TRIB2: variants seen among roughly 807,000 people sequenced by gnomAD.
The protein encoded by TRIB2 is tribbles homolog 2.
A neutral mutation model predicts 26.8 loss-of-function variants in TRIB2; 2 were observed. The ratio of observed to expected loss-of-function variants is 0.07; its 90% confidence interval spans 0.03 to 0.24. The LOEUF (loss-of-function observed/expected upper bound fraction) is 0.24, where lower values mean the gene tolerates loss of function less well. Ranked by LOEUF, TRIB2 falls within the 10% of genes least tolerant of loss-of-function variation. TRIB2 has a pLI of 1.00. For synonymous variants in TRIB2, 189 were observed against 187.3 expected, an observed-to-expected ratio of 1.01 and a Z score of -0.08; for missense variants, 306 against 449.0, an observed-to-expected ratio of 0.68 and a Z score of 2.88.
Position 12,718,417 on chromosome 2 carries a change from A to G in TRIB2, c.110A>G (p.Gln37Arg). ...LSSIRSAEPS[Q>R]SFSPNLGSPS... ...TCTATAAGGTCCGCGGAGCCCAGCCAGAGTTTCAGCCCGAACCTCGGCTCC... is the reference window on the plus strand; with the variant it reads ...TCTATAAGGTCCGCGGAGCCCAGCCGGAGTTTCAGCCCGAACCTCGGCTCC... The change falls in exon 1 of 3, where the codon CAG (glutamine) becomes CGG (arginine). Residue 37 changes from glutamine to arginine, a missense_variant. Physicochemically the swap from Gln to Arg is conservative, Grantham distance 43. Coordinates refer to ENST00000155926, the MANE Select transcript of TRIB2 (RefSeq NM_021643.4). This position sits in a 1 kb window ranked among gnomAD's most constrained non-coding sequence, Gnocchi z 4.0. The G allele has an allele frequency of 1.2e-6, 2 of 1,614,236 alleles. No individual in the cohort carries two copies. The highest frequency in any genetic ancestry group is 8.5e-7 in the Non-Finnish European group (1 of 1,180,042).
Position 12,741,151 on chromosome 2 carries a change from T to A in TRIB2, c.*357T>A, listed in dbSNP as rs1344569554. 4.7e-6 allele frequency: 1 copy of A among 210,876 alleles called. No individual in the cohort carries two copies. The highest frequency in any genetic ancestry group is 9.6e-6 in the Non-Finnish European group (1 of 104,232). The allele number at this position is 210,876 out of a possible 1,614,324, so 13.1% of individuals were successfully genotyped here. On this transcript the variant is annotated 3_prime_UTR_variant, in exon 3 of 3. Coordinates refer to ENST00000155926, the MANE Select transcript of TRIB2 (RefSeq NM_021643.4). ...CAAAACTCTCTGCCTCAAACACACA[T>A]CCTGGCATCGCACTGTTAGCATTTA...
chr2:12,722,724 A>ATG (rs1367029596), intron 1 of TRIB2, among the ~76,000 whole-genome samples: 3 of 152,196 alleles, frequency 2.0e-5, no homozygotes, highest in Non-Finnish European at 4.4e-5. Flanking sequence ...CTCAGTTTCC[A>ATG]TATCTGTAAA....
In TRIB2 at chr2:12,738,242, C is replaced by T. The variant is rs186947815; in HGVS notation, c.564-2084C>T. 7.2e-5 allele frequency among the ~76,000 whole-genome samples: 11 copies of T among 152,222 alleles called. No individual in the cohort carries two copies. In the East Asian group the frequency reaches 7.7e-4, roughly 11 times the overall value. On this transcript the variant is annotated intron_variant, in intron 2 of 2. Transcript: ENST00000155926. ...TGAAAGGCTAAGACCTTCAGGCAGA[C>T]GGAGGAAGAGAAACAGCAGGAGATG...
chr2:12,730,327 G>T (rs1422448842), intron 2 of TRIB2, among the ~76,000 whole-genome samples: 4 of 152,228 alleles, frequency 2.6e-5, no homozygotes, highest in Non-Finnish European at 4.4e-5. Flanking sequence ...CAGACCTGGG[G>T]TTGGTACCCA....
rs145934300 is a variant in TRIB2, at chr2:12,740,428, G to A, written c.666G>A (p.Glu222=). The A allele has an allele frequency of 2.0e-5, 33 of 1,614,028 alleles. No homozygotes were observed. The highest frequency in any genetic ancestry group is 2.5e-5 in the Non-Finnish European group (30 of 1,180,034). ...GCTGCCCGGCTTACGTAAGCCCAGA[G>A]ATCTTGAACACCAGTGGCAGCTACT... ...KHGCPAYVSP[E]ILNTSGSYSG... is the part of the protein sequence containing the mutation. Residue 222 remains glutamate, a synonymous_variant, in exon 3 of 3, where the codon GAG becomes GAA. Transcript: ENST00000155926. This position sits in a 1 kb window ranked among gnomAD's most constrained non-coding sequence, Gnocchi z 5.8.
chr2:12,737,755 G>C (rs1190001307), intron 2 of TRIB2, among the ~76,000 whole-genome samples: 1 of 152,218 alleles, frequency 6.6e-6, no homozygotes, highest in Non-Finnish European at 1.5e-5. Flanking sequence ...GCCTTGTCCA[G>C]ATGTTTGCAT....
chr2:12,734,419 C>T (rs13406133), intron 2 of TRIB2, among the ~76,000 whole-genome samples: 23,289 of 151,982 alleles, frequency 0.15, 1,961 homozygotes, highest in Middle Eastern at 0.23. Flanking sequence ...TTCCAGCCCG[C>T]GGGAGGAACA....
Position 12,717,392 on chromosome 2 carries a change from G to C in TRIB2, c.-916G>C, listed in dbSNP as rs896180348. The C allele has an allele frequency of 2.5e-6, 1 of 398,400 alleles. No homozygotes were observed. Among genetic ancestry groups the C allele is most frequent in the Non-Finnish European group, 4.4e-6 (1 of 226,052 alleles). The allele number at this position is 398,400 out of a possible 1,614,324, so 24.7% of individuals were successfully genotyped here. A position where few individuals can be genotyped will look rare whatever the true frequency, so the allele number is the denominator to read the frequency against. ...AATCGGAGACCGCCGATCTGTCCTC[G>C]TTCTCTCCTGCACGTCTGGCTGCAT... On this transcript the variant is annotated 5_prime_UTR_variant, in exon 1 of 3. Coordinates refer to ENST00000155926, the MANE Select transcript of TRIB2 (RefSeq NM_021643.4). This position sits in a 1 kb window ranked among gnomAD's most constrained non-coding sequence, Gnocchi z 4.8.
chr2:12,720,803 C>G (rs1157698146), intron 1 of TRIB2, among the ~76,000 whole-genome samples: 1 of 152,190 alleles, frequency 6.6e-6, no homozygotes, highest in African/African-American at 2.4e-5. Context: ...TGCTTATTGT[C>G]TCCATGTACC....
At chr2:12,729,561 A>G (rs1010078893) in intron 2 of TRIB2, among the ~76,000 whole-genome samples, 6 of 152,184 alleles carry the variant, frequency 3.9e-5, no homozygotes, top group Non-Finnish European at 7.4e-5. Context: ...TTTTAATTTA[A>G]TGATTTATGC....
At chr2:12,722,459 T>C (rs1474194771) in intron 1 of TRIB2, among the ~76,000 whole-genome samples, 1 of 152,234 alleles carries the variant, frequency 6.6e-6, no homozygotes, top group Non-Finnish European at 1.5e-5. Flanking sequence ...TCAAAAATTC[T>C]CTGTAGTGTT....
Position 12,717,196 on chromosome 2 carries a change from A to T in TRIB2, c.-1112A>T, listed in dbSNP as rs917380252. 3.5e-5 allele frequency: 14 copies of T among 394,898 alleles called. No individual in the cohort carries two copies. The highest frequency in any genetic ancestry group is 2.9e-4 in the African/African-American group (14 of 48,366). The allele number at this position is 394,898 out of a possible 1,614,324, so 24.5% of individuals were successfully genotyped here. Reference sequence around the variant, plus strand: ...GTCAATTTTCTCCAAAACAAACCCCACCGGGCAATTTGGTCTCGGGGTAGG... The same window carrying T: ...GTCAATTTTCTCCAAAACAAACCCCTCCGGGCAATTTGGTCTCGGGGTAGG... On this transcript the variant is annotated 5_prime_UTR_variant, in exon 1 of 3. Coordinates refer to ENST00000155926, the MANE Select transcript of TRIB2 (RefSeq NM_021643.4). The surrounding 1 kb of genome is among the most constrained non-coding windows in gnomAD (Gnocchi z 4.8).
In TRIB2 at chr2:12,718,278, TTTTG is replaced by T. The variant is rs761863456; in HGVS notation, c.-24_-21del. ...CGACTCATCTCTCCAGCGGGTTTTTTTTTGTTTGTCGTGTGCGATCCTCACACTC... is the reference window on the plus strand; with the variant it reads ...CGACTCATCTCTCCAGCGGGTTTTTTTTTGTCGTGTGCGATCCTCACACTC... On this transcript the variant is annotated 5_prime_UTR_variant, in exon 1 of 3. Coordinates refer to ENST00000155926, the MANE Select transcript of TRIB2 (RefSeq NM_021643.4). This position sits in a 1 kb window ranked among gnomAD's most constrained non-coding sequence, Gnocchi z 4.0. 1 of 1,590,822 alleles carries T rather than the reference TTTTG, an allele frequency of 6.3e-7. No individual in the cohort carries two copies.
intron 1 of TRIB2, among the ~76,000 whole-genome samples, chr2:12,722,629 G>A (rs1187620915): frequency 6.6e-6 from 1 of 151,974 alleles, no homozygotes; most frequent in Non-Finnish European, 1.5e-5. Flanking sequence ...AGAGGAAGAA[G>A]CAAGGCTGCT....
At chr2:12,738,358 G>A (rs147393056) in intron 2 of TRIB2, among the ~76,000 whole-genome samples, 512 of 152,066 alleles carry the variant, frequency 3.4e-3, no homozygotes, top group Middle Eastern at 0.014. Flanking sequence ...TTTGCACTTC[G>A]GGGCAAACAG....
At position 12,718,665 on chromosome 2, in the gene TRIB2, T is replaced by C. The variant is rs2103247944; in HGVS notation, c.270+88T>C. 3.3e-6 allele frequency: 5 copies of C among 1,498,862 alleles called. No individual in the cohort carries two copies. In the East Asian group the frequency reaches 1.2e-4, roughly 35 times the overall value. The allele number at this position is 1,498,862 out of a possible 1,614,324, so 92.8% of individuals were successfully genotyped here. On this transcript the variant is annotated intron_variant, in intron 1 of 2. Coordinates refer to ENST00000155926, the MANE Select transcript of TRIB2 (RefSeq NM_021643.4). This position sits in a 1 kb window ranked among gnomAD's most constrained non-coding sequence, Gnocchi z 4.0. ...GGCCCTCGAGTCTGGGAGAGGGAGA[T>C]TCGCGGGATAATTACCGTGGCCTTA... is the stretch of plus-strand genomic sequence containing the variant.
chr2:12,723,495 G>A lies in TRIB2; in HGVS notation c.506G>A (p.Gly169Glu). Residue 169 changes from glycine (G) to glutamate (E), a missense_variant, in exon 2 of 3, where the codon GGG becomes GAG. Gly to Glu is a moderately conservative substitution (Grantham distance 98). Transcript: ENST00000155926. ...IASAVAHCHD[G>E]GLVLRDLKLR... ...TCGGCAGTGGCCCACTGCCATGACG[G>A]GGGGCTGGTGCTGCGGGACCTCAAG... is the stretch of plus-strand genomic sequence containing the variant. 6.2e-7 allele frequency: 1 copy of A among 1,614,184 alleles called. No homozygotes were observed. The highest frequency in any genetic ancestry group is 8.5e-7 in the Non-Finnish European group (1 of 1,180,034).
chr2:12,736,238 TC>T (rs1299936577), intron 2 of TRIB2, among the ~76,000 whole-genome samples: 1 of 151,942 alleles, frequency 6.6e-6, no homozygotes, highest in Non-Finnish European at 1.5e-5. Flanking sequence ...GGAAGCACAA[TC>T]CGGGTGGGGA....
In TRIB2 at chr2:12,732,955, C is replaced by T. The variant is rs1661488068; in HGVS notation, c.564-7371C>T. On this transcript the variant is annotated intron_variant, in intron 2 of 2. Coordinates refer to ENST00000155926, the MANE Select transcript of TRIB2 (RefSeq NM_021643.4). This position sits in a 1 kb window ranked among gnomAD's most constrained non-coding sequence, Gnocchi z 4.2. Reference sequence around the variant, plus strand: ...ACTGACCTTAGGCCACCGGACTTCCCATCCCTGCCAGGCCCACTTTGTCTG... The same window carrying T: ...ACTGACCTTAGGCCACCGGACTTCCTATCCCTGCCAGGCCCACTTTGTCTG... Among the ~76,000 whole-genome samples the T allele has an allele frequency of 6.6e-6, 1 of 152,172 alleles. No individual in the cohort carries two copies.
Sources: gnomAD v4.1 joint callset for allele counts (sites outside exome capture counted in the v4.1 genomes callset) on GRCh38, gnomAD v4.1.1 for gene constraint, Gnocchi (gnomAD v3.1) non-coding constraint, MANE v1.5 for transcripts, NCBI Gene and HGNC (gene_info 2026-07-23, HGNC 2026-07-21) for gene names.